VCAN: variants seen among roughly 807,000 people sequenced by gnomAD.
VCAN encodes the protein versican core protein.
In VCAN, 44 loss-of-function variants were observed where a neutral mutation model predicts 245.5. The ratio of observed to expected loss-of-function variants is 0.18; its 90% CI spans 0.14 to 0.23. The LOEUF (loss-of-function observed/expected upper bound fraction) is 0.23. VCAN is among the 10% of genes least tolerant of loss of function. VCAN has a pLI of 1.00. For synonymous variants in VCAN, 1,413 were observed against 1,437.0 expected, an observed-to-expected ratio of 0.98 and a Z score of 0.38; for missense variants, 3,793 against 4,057.9, an observed-to-expected ratio of 0.93 and a Z score of 1.77.
intron 12 of VCAN, among the ~76,000 whole-genome samples, chr5:83,566,787 C>T (rs978088595): frequency 9.9e-5 from 15 of 152,284 alleles, no homozygotes; most frequent in Admixed American, 9.2e-4. Context: ...CAGGATGAGT[C>T]TTCTCTTTTG....
At chr5:83,550,887 CAA>C (rs57081110) in intron 10 of VCAN, among the ~76,000 whole-genome samples, 2 of 50,104 alleles carry the variant, frequency 4.0e-5, no homozygotes, top group African/African-American at 1.6e-4. Context: ...GACTCCATCT[CAA>C]AAAAAAAAAA....
At chr5:83,515,866 G>A (rs970557436) in intron 6 of VCAN, among the ~76,000 whole-genome samples, 1 of 152,066 alleles carries the variant, frequency 6.6e-6, no homozygotes, top group Non-Finnish European at 1.5e-5. Flanking sequence ...TCCCCGATTG[G>A]TATATTACAA....
chr5:83,518,137 C>G (rs919670404), intron 6 of VCAN, among the ~76,000 whole-genome samples: 2 of 152,020 alleles, frequency 1.3e-5, no homozygotes, highest in African/African-American at 2.4e-5. Flanking sequence ...AGCTTTAAGT[C>G]CTATAGGATG....
intron 10 of VCAN, among the ~76,000 whole-genome samples, chr5:83,550,317 A>T (rs146473807): frequency 6.6e-6 from 1 of 152,374 alleles, no homozygotes; most frequent in East Asian, 1.9e-4. Flanking sequence ...TTTGTATTGT[A>T]ACCCATTGAA....
intron 1 of VCAN, among the ~76,000 whole-genome samples, chr5:83,476,742 C>T (rs191392606): frequency 3.3e-5 from 5 of 151,908 alleles, no homozygotes; most frequent in African/African-American, 1.2e-4. Flanking sequence ...AAGTTCTTAC[C>T]ATTGAATGTG....
chr5:83,480,465 A>G (rs1335485949), intron 1 of VCAN, among the ~76,000 whole-genome samples: 1 of 152,188 alleles, frequency 6.6e-6, no homozygotes, highest in African/African-American at 2.4e-5. Context: ...TAAATCTTCA[A>G]GTGGACTGAT....
At chr5:83,484,775 A>G (rs752349818) in intron 2 of VCAN, among the ~76,000 whole-genome samples, 98 of 152,228 alleles carry the variant, frequency 6.4e-4, no homozygotes, top group South Asian at 1.5e-3. Flanking sequence ...TGATGAACAT[A>G]AAACAGAGTG....
intron 10 of VCAN, among the ~76,000 whole-genome samples, chr5:83,552,689 G>C (rs78233471): frequency 6.6e-6 from 1 of 151,736 alleles, no homozygotes. Flanking sequence ...CTGGTGGAAT[G>C]GGGGGGTGAG....
At chr5:83,578,471 CT>C (rs770320122) in intron 13 of VCAN, among the ~76,000 whole-genome samples, 148 of 151,886 alleles carry the variant, frequency 9.7e-4, no homozygotes, top group Non-Finnish European at 1.4e-3. Context: ...ACATTTACCC[CT>C]GAACTTAAAA....
intron 5 of VCAN, among the ~76,000 whole-genome samples, chr5:83,510,507 C>T (rs1301899235): frequency 6.6e-6 from 1 of 152,222 alleles, no homozygotes; most frequent in Non-Finnish European, 1.5e-5. Context: ...AAACAGTACT[C>T]TCAGCTACAA....
Position 83,562,661 on chromosome 5 carries a change from C to CAAA in VCAN, c.9735+7633_9735+7635dup, listed in dbSNP as rs4033003. Among the ~76,000 whole-genome samples the CAAA allele has an allele frequency of 6.3e-3, 937 of 149,486 alleles. 10 individuals carry two copies. Among genetic ancestry groups the CAAA allele is most frequent in the African/African-American group, 0.022 (881 of 40,208 alleles). On this transcript the variant is annotated intron_variant, in intron 12 of 14. Coordinates refer to ENST00000265077, the MANE Select transcript of VCAN (RefSeq NM_004385.5). ...GGCAATGCATAACCATGGAAAAGGCCAAAAAAAAAAAATATATTGAATGAG... is the reference window on the plus strand; with the variant it reads ...GGCAATGCATAACCATGGAAAAGGCCAAAAAAAAAAAAAAATATATTGAATGAG...
chr5:83,511,969 AAAGTATCAG>A, intron 5 of VCAN, 125 bp from the exon 6 acceptor site: 1 of 1,082,148 alleles, frequency 9.2e-7, no homozygotes, highest in Non-Finnish European at 1.3e-6. Context: ...TTTCTGCTTT[AAAGTATCAG>A]AAGCTGCTAC....
At chr5:83,547,504 G>GA (rs1747274455) in intron 9 of VCAN, among the ~76,000 whole-genome samples, 2 of 152,164 alleles carry the variant, frequency 1.3e-5, no homozygotes, top group South Asian at 4.1e-4. Flanking sequence ...TTAGCAGAGT[G>GA]ATGGATATAT....
intron 13 of VCAN, among the ~76,000 whole-genome samples, chr5:83,574,590 G>T (rs1223297937): frequency 1.3e-5 from 2 of 152,070 alleles, no homozygotes; most frequent in Non-Finnish European, 2.9e-5. Flanking sequence ...TTAACCTCTA[G>T]GGATTTTGGT....
At chr5:83,530,814 C>CT (rs201698104) in intron 7 of VCAN, among the ~76,000 whole-genome samples, 1 of 151,672 alleles carries the variant, frequency 6.6e-6, no homozygotes, top group East Asian at 1.9e-4. Flanking sequence ...AGTATTTGAA[C>CT]TTTTTTTACA....
chr5:83,474,975 G>C (rs997427566), intron 1 of VCAN, among the ~76,000 whole-genome samples: 3 of 152,174 alleles, frequency 2.0e-5, no homozygotes, highest in African/African-American at 7.2e-5. Flanking sequence ...AGAAAAATGA[G>C]ACTTTATACC....
At chr5:83,546,727 A>G (rs1378494537) in intron 9 of VCAN, among the ~76,000 whole-genome samples, 6 of 152,142 alleles carry the variant, frequency 3.9e-5, no homozygotes, top group Non-Finnish European at 7.4e-5. Context: ...TGGGTGACAA[A>G]GTGTCTGGCA....
At chr5:83,473,120 G>A (rs959881136) in intron 1 of VCAN, among the ~76,000 whole-genome samples, 6 of 152,116 alleles carry the variant, frequency 3.9e-5, no homozygotes, top group Non-Finnish European at 7.4e-5. Flanking sequence ...CGGGAGCCCC[G>A]GGGGACGTCC....
chr5:83,489,789 T>C (rs1277956180), intron 2 of VCAN, among the ~76,000 whole-genome samples: 1 of 148,256 alleles, frequency 6.7e-6, no homozygotes, highest in African/African-American at 2.5e-5. Context: ...TTGCCCTTAA[T>C]TGCTTGACCT....
Sources: gnomAD v4.1 joint callset for allele counts (sites outside exome capture counted in the v4.1 genomes callset) on GRCh38, gnomAD v4.1.1 for gene constraint, MANE v1.5 for transcripts, NCBI Gene and HGNC (gene_info 2026-07-23, HGNC 2026-07-21) for gene names.